The following DAB1 variants were observed in gnomAD, a reference collection of about 807,000 sequenced individuals.
The protein encoded by DAB1 is disabled homolog 1.
A neutral mutation model predicts 64.6 loss-of-function variants in DAB1; 15 were observed. The observed-to-expected ratio is 0.23, with a 90% CI of 0.16 to 0.36. The LOEUF is 0.36. Ranked by LOEUF, DAB1 falls within the 10% of genes least tolerant of loss-of-function variation. The pLI is 1.00. For synonymous variants in DAB1, 235 were observed against 251.9 expected (o/e 0.93, Z 0.64); for missense variants, 596 against 706.7 (o/e 0.84, Z 1.78).
intron 2 of DAB1, among the ~76,000 whole-genome samples, chr1:57,176,821 G>A (rs187409219): frequency 3.9e-5 from 6 of 152,050 alleles, no homozygotes; most frequent in South Asian, 2.1e-4. Flanking sequence ...GGTCACAGGG[G>A]CAGGATGAGG....
chr1:57,908,885 T>C (rs905113306), intron 5 of DAB1, among the ~76,000 whole-genome samples: 1 of 152,124 alleles, frequency 6.6e-6, no homozygotes, highest in Non-Finnish European at 1.5e-5. Flanking sequence ...ATAGGAATTA[T>C]CACAAAGAAC....
At chr1:57,483,670 G>T (rs2101249372) in intron 7 of DAB1, among the ~76,000 whole-genome samples, 1 of 151,914 alleles carries the variant, frequency 6.6e-6, no homozygotes, top group East Asian at 1.9e-4. Context: ...GGAGTGCAGT[G>T]GTGCAATCAT....
chr1:57,045,446 C>T (rs1046841069), intron 9 of DAB1, among the ~76,000 whole-genome samples: 10 of 152,126 alleles, frequency 6.6e-5, no homozygotes, highest in Admixed American at 2.0e-4. Context: ...GCCTGTAATC[C>T]TAGCACTTTG....
At chr1:57,083,120 G>A (rs868829238) in intron 4 of DAB1, among the ~76,000 whole-genome samples, 55 of 152,064 alleles carry the variant, frequency 3.6e-4, no homozygotes, top group African/African-American at 1.2e-3. Context: ...CGTACTCTAC[G>A]TATATAATCC....
intron 5 of DAB1, among the ~76,000 whole-genome samples, chr1:58,131,992 C>T (rs1163430977): frequency 1.3e-5 from 2 of 152,010 alleles, no homozygotes; most frequent in Admixed American, 6.5e-5. Flanking sequence ...CCACCCAGTT[C>T]GAGCTTCCTG....
At chr1:58,338,087 A>C (rs1663165654) in intron 4 of DAB1, among the ~76,000 whole-genome samples, 1 of 152,186 alleles carries the variant, frequency 6.6e-6, no homozygotes, top group Non-Finnish European at 1.5e-5. Flanking sequence ...CTAAAAGCCA[A>C]AGTCACTCTT....
chr1:57,872,275 T>C (rs1643965769), intron 1 of DAB1, among the ~76,000 whole-genome samples: 1 of 152,156 alleles, frequency 6.6e-6, no homozygotes, highest in African/African-American at 2.4e-5. Flanking sequence ...CTTTGGGACA[T>C]AATTAGCTCA....
chr1:58,376,191 T>C (rs888175734), intron 3 of DAB1, among the ~76,000 whole-genome samples: 38 of 150,664 alleles, frequency 2.5e-4, no homozygotes, highest in Non-Finnish European at 4.4e-4. Context: ...AGTTCTGCTC[T>C]GATTTTAGTT....
intron 2 of DAB1, among the ~76,000 whole-genome samples, chr1:57,236,631 AT>A (rs1376998793): frequency 6.6e-6 from 1 of 152,250 alleles, no homozygotes; most frequent in Non-Finnish European, 1.5e-5. Flanking sequence ...TTTTTACGTC[AT>A]GCTACAGAGC....
intron 7 of DAB1, chr1:57,606,174 C>T (rs565797895): frequency 1.0e-5 from 2 of 199,896 alleles, no homozygotes; most frequent in East Asian, 1.2e-4. Flanking sequence ...CCTCCGGCTC[C>T]ATGAGTGTTT....
At chr1:57,836,474 C>T (rs1051591035) in intron 1 of DAB1, among the ~76,000 whole-genome samples, 2 of 152,198 alleles carry the variant, frequency 1.3e-5, no homozygotes, top group African/African-American at 2.4e-5. Flanking sequence ...TGGCTCTCTG[C>T]CTCCACTCAC....
At chr1:57,520,162 A>C (rs1644508430) in intron 7 of DAB1, among the ~76,000 whole-genome samples, 1 of 152,230 alleles carries the variant, frequency 6.6e-6, no homozygotes, top group Non-Finnish European at 1.5e-5. Context: ...AACATCAAAA[A>C]TATATTGTAG....
At chr1:57,370,720 T>C (rs1470527489) in intron 1 of DAB1, among the ~76,000 whole-genome samples, 3 of 152,138 alleles carry the variant, frequency 2.0e-5, no homozygotes, top group Non-Finnish European at 4.4e-5. Flanking sequence ...TTTAGCATAG[T>C]TTTTTATTTT....
intron 1 of DAB1, among the ~76,000 whole-genome samples, chr1:57,357,400 C>T (rs978327190): frequency 6.6e-6 from 1 of 151,738 alleles, no homozygotes; most frequent in Non-Finnish European, 1.5e-5. Context: ...TGTGGCTTGA[C>T]AAAATAATAT....
chr1:58,481,051 T>C, intron 3 of DAB1: 1 of 872,082 alleles, frequency 1.1e-6, no homozygotes, highest in Non-Finnish European at 2.0e-6. Context: ...TTCTGTTTCT[T>C]CGTGATATTT....
At chr1:58,003,556 G>T (rs1004156161) in intron 5 of DAB1, among the ~76,000 whole-genome samples, 3 of 152,158 alleles carry the variant, frequency 2.0e-5, no homozygotes, top group African/African-American at 7.2e-5. Flanking sequence ...TTATTACATA[G>T]ATTCCACCTG....
intron 4 of DAB1, among the ~76,000 whole-genome samples, chr1:58,201,254 G>A (rs188101577): frequency 1.4e-3 from 209 of 152,260 alleles, no homozygotes; most frequent in African/African-American, 4.8e-3. Flanking sequence ...CTGACCTCGT[G>A]ATCTGCCTGC....
At chr1:58,012,278 C>T (rs1646678895) in intron 5 of DAB1, among the ~76,000 whole-genome samples, 1 of 152,108 alleles carries the variant, frequency 6.6e-6, no homozygotes, top group Admixed American at 6.5e-5. Context: ...TAGCTACTGA[C>T]CCCTAAATCT....
At chr1:57,765,856 C>G (rs1339601298) in intron 6 of DAB1, among the ~76,000 whole-genome samples, 2 of 152,214 alleles carry the variant, frequency 1.3e-5, no homozygotes, top group South Asian at 4.2e-4. Context: ...GTCTCAAACT[C>G]CTGACCTCAA....
Sources: allele counts gnomAD v4.1 joint callset (sites outside exome capture counted in the v4.1 genomes callset), GRCh38; gene constraint gnomAD v4.1.1; transcripts MANE v1.5; gene names NCBI Gene and HGNC (gene_info 2026-07-23, HGNC 2026-07-21).